The following TMEM150C variants were observed in gnomAD, a reference collection of about 807,000 sequenced individuals.
The protein encoded by TMEM150C is transmembrane protein 150C, also known as tentonin 3.
In TMEM150C, 10 loss-of-function variants were observed where a neutral mutation model predicts 29.9. That is an observed-to-expected ratio of 0.33 (90% CI 0.21 to 0.57). TMEM150C has a LOEUF of 0.57. TMEM150C is among the 20% of genes least tolerant of loss of function. TMEM150C has a pLI of 0.88. For synonymous variants in TMEM150C, 101 were observed against 112.5 expected (o/e 0.90, Z 0.64); for missense variants, 251 against 303.6 (o/e 0.83, Z 1.29).
In TMEM150C at chr4:82,485,504, T is replaced by C; in HGVS notation, c.*7A>G. On this transcript the variant is annotated 3_prime_UTR_variant, in exon 8 of 8. Coordinates refer to ENST00000449862, the MANE Select transcript of TMEM150C (RefSeq NM_001080506.3). ...ACCCACCTCACCAGCAAGGAAAAAC[T>C]GATGGTTTACACCTGGTCAGTCTGA... 1 of 1,587,596 alleles carries C rather than the reference T, an allele frequency of 6.3e-7. No individual in the cohort carries two copies. The highest frequency in any genetic ancestry group is 8.6e-7 in the Non-Finnish European group (1 of 1,166,194).
At position 82,491,936 on chromosome 4, in the gene TMEM150C, G is replaced by GT. The variant is rs375594585; in HGVS notation, c.364-1699dup. On this transcript the variant is annotated intron_variant, in intron 6 of 7. Transcript: ENST00000449862. ...CGTCTATGTAATGTGACTAATTCTT[G>GT]TTTTTTTTTTTGGTTTTTTTTTTTG... Among the ~76,000 whole-genome samples, 454 of 142,026 alleles carry GT rather than the reference G, an allele frequency of 3.2e-3. 1 individual carries two copies. The highest frequency in any genetic ancestry group is 5.0e-3 in the African/African-American group (195 of 39,170). 93.2% of individuals were successfully genotyped at this position (142,026 alleles called of 152,430 possible). A position where few individuals can be genotyped will look rare whatever the true frequency, so the allele number is the denominator to read the frequency against.
intron 1 of TMEM150C, among the ~76,000 whole-genome samples, chr4:82,542,730 TC>T (rs1169136082): frequency 2.6e-5 from 4 of 152,168 alleles, no homozygotes; most frequent in African/African-American, 9.7e-5. Flanking sequence ...GCAGGTCAGT[TC>T]AAGCTCAGTC....
chr4:82,541,391 C>T (rs779469363), intron 1 of TMEM150C, among the ~76,000 whole-genome samples: 3 of 151,942 alleles, frequency 2.0e-5, no homozygotes, highest in East Asian at 1.9e-4. Flanking sequence ...GCTCATTGCT[C>T]TCCTCATTTC....
intron 1 of TMEM150C, among the ~76,000 whole-genome samples, chr4:82,511,296 TATG>T (rs1275594616): frequency 1.3e-5 from 2 of 152,166 alleles, no homozygotes; most frequent in Non-Finnish European, 2.9e-5. Context: ...CCCAAAAGAA[TATG>T]ATGATTCCTA....
chr4:82,556,981 G>A (rs1244401114), intron 1 of TMEM150C, among the ~76,000 whole-genome samples: 1 of 152,128 alleles, frequency 6.6e-6, no homozygotes, highest in Non-Finnish European at 1.5e-5. Flanking sequence ...CCTTCCAGAG[G>A]AGGGGAACCC....
chr4:82,486,335 T>TAAAAAAAAAAAAAAAAA (rs527967958), intron 7 of TMEM150C, among the ~76,000 whole-genome samples: 3 of 51,284 alleles, frequency 5.8e-5, no homozygotes, highest in African/African-American at 2.7e-4. Context: ...GACTCCATCT[T>TAAAAAAAAAAAAAAAAA]AAAAAAAAAA....
At chr4:82,490,588 GTTT>G (rs1289370636) in intron 6 of TMEM150C, among the ~76,000 whole-genome samples, 1 of 151,812 alleles carries the variant, frequency 6.6e-6, no homozygotes, top group Non-Finnish European at 1.5e-5. Context: ...TTGTTTGTTT[GTTT>G]TTGTTTTGGT....
chr4:82,554,389 T>C (rs1415333189), intron 1 of TMEM150C, among the ~76,000 whole-genome samples: 2 of 152,188 alleles, frequency 1.3e-5, no homozygotes, highest in Non-Finnish European at 1.5e-5. Context: ...TGCATTACAA[T>C]GGTATCAACA....
At chr4:82,508,608 GGCAC>G (rs1724015199) in intron 1 of TMEM150C, among the ~76,000 whole-genome samples, 1 of 152,020 alleles carries the variant, frequency 6.6e-6, no homozygotes. Context: ...TGGGATTACA[GGCAC>G]CTGCCACCAC....
At chr4:82,508,215 C>A (rs986747088) in intron 1 of TMEM150C, among the ~76,000 whole-genome samples, 1 of 152,146 alleles carries the variant, frequency 6.6e-6, no homozygotes, top group Non-Finnish European at 1.5e-5. Context: ...AGCTAAATCA[C>A]AAGTTTCCTC....
intron 1 of TMEM150C, among the ~76,000 whole-genome samples, chr4:82,538,886 C>A (rs1725106737): frequency 6.6e-6 from 1 of 151,994 alleles, no homozygotes; most frequent in Admixed American, 6.6e-5. Flanking sequence ...CATGGCGAAA[C>A]CTTAACTATA....
intron 1 of TMEM150C, among the ~76,000 whole-genome samples, chr4:82,507,270 T>C (rs10001408): frequency 0.36 from 55,104 of 152,068 alleles, 11,200 homozygotes; most frequent in African/African-American, 0.53. Context: ...CTTGTTAATG[T>C]ACAATGGGAG....
intron 1 of TMEM150C, among the ~76,000 whole-genome samples, chr4:82,505,141 C>G (rs929894705): frequency 6.6e-6 from 1 of 152,178 alleles, no homozygotes; most frequent in South Asian, 2.1e-4. Context: ...ATCCCTGAAA[C>G]AGTTAACATG....
intron 6 of TMEM150C, chr4:82,495,137 T>A (rs1209728711): frequency 1.8e-6 from 1 of 542,006 alleles, no homozygotes; most frequent in Non-Finnish European, 3.1e-6. Flanking sequence ...AGACATCATC[T>A]TCTTTAGAGA....
chr4:82,505,121 C>T (rs763498489), intron 1 of TMEM150C, among the ~76,000 whole-genome samples: 1 of 152,198 alleles, frequency 6.6e-6, no homozygotes, highest in Admixed American at 6.5e-5. Context: ...CTCACCTACT[C>T]ATGTGGGAAA....
At chr4:82,525,449 G>A (rs1166457850) in intron 1 of TMEM150C, among the ~76,000 whole-genome samples, 1 of 152,196 alleles carries the variant, frequency 6.6e-6, no homozygotes, top group Non-Finnish European at 1.5e-5. Flanking sequence ...AATTAACGAT[G>A]GGAGGTGGGA....
At chr4:82,497,744 T>C (rs563264754) in intron 5 of TMEM150C, among the ~76,000 whole-genome samples, 69 of 152,328 alleles carry the variant, frequency 4.5e-4, no homozygotes, top group Admixed American at 7.8e-4. Context: ...GGGACCTAGG[T>C]AGGAGTTATA....
chr4:82,491,748 C>T (rs753233687), intron 6 of TMEM150C: 107 of 340,624 alleles, frequency 3.1e-4, no homozygotes, highest in Middle Eastern at 8.9e-4. Flanking sequence ...GTAATCCTCC[C>T]GCCTCGGCCT....
At chr4:82,513,445 G>A (rs1240899699) in intron 1 of TMEM150C, among the ~76,000 whole-genome samples, 1 of 151,588 alleles carries the variant, frequency 6.6e-6, no homozygotes, top group Non-Finnish European at 1.5e-5. Context: ...CCAATGAACT[G>A]CACACTTAAA....
Sources: gnomAD v4.1 joint callset for allele counts (sites outside exome capture counted in the v4.1 genomes callset) on GRCh38, gnomAD v4.1.1 for gene constraint, MANE v1.5 for transcripts, NCBI Gene and HGNC (gene_info 2026-07-23, HGNC 2026-07-21) for gene names.